Variants in NFIB observed in about 807,000 individuals in gnomAD.
NFIB encodes the protein nuclear factor I B.
Under a neutral mutation model 61.5 loss-of-function variants are expected in NFIB, and 11 were observed. The observed-to-expected ratio is 0.18, with a 90% CI of 0.11 to 0.30. The LOEUF (loss-of-function observed/expected upper bound fraction) is 0.30. Ranked by LOEUF, NFIB falls within the 10% of genes least tolerant of loss-of-function variation. The pLI is 1.00. For synonymous variants in NFIB, 260 were observed against 216.5 expected, an observed-to-expected ratio of 1.20 and a Z score of -1.76; for missense variants, 471 against 608.9, an observed-to-expected ratio of 0.77 and a Z score of 2.38.
At chr9:14,116,564 G>A (rs926249029) in intron 8 of NFIB, among the ~76,000 whole-genome samples, 7 of 152,204 alleles carry the variant, frequency 4.6e-5, no homozygotes, top group African/African-American at 1.7e-4. Context: ...AGCACGTCAT[G>A]GTATAGGTGA....
intron 10 of NFIB, among the ~76,000 whole-genome samples, chr9:14,090,328 A>AT (rs1353509950): frequency 2.0e-5 from 3 of 152,144 alleles, no homozygotes; most frequent in Admixed American, 6.6e-5. Flanking sequence ...CTGTTTTCAC[A>AT]TATTTATCTT....
chr9:14,423,216 G>A, the NFIB span, among the ~76,000 whole-genome samples: 13 of 152,138 alleles, frequency 8.5e-5, no homozygotes, highest in South Asian at 2.1e-4. Context: ...GGGGCAAAAC[G>A]TACTCATCTA....
the NFIB span, among the ~76,000 whole-genome samples, chr9:14,459,917 G>C: frequency 2.0e-5 from 3 of 151,698 alleles, no homozygotes; most frequent in South Asian, 6.3e-4. Context: ...TACACTGTTG[G>C]GGGGACTGTA....
At chr9:14,498,800 TTCCTC>T in the NFIB span, among the ~76,000 whole-genome samples, 1 of 34,542 alleles carries the variant, frequency 2.9e-5, no homozygotes, top group African/African-American at 1.5e-4. Flanking sequence ...CCTCCCTCCC[TTCCTC>T]CCTTCCTCCC....
chr9:14,193,970 C>G (rs1188410662), intron 2 of NFIB, among the ~76,000 whole-genome samples: 1 of 151,970 alleles, frequency 6.6e-6, no homozygotes, highest in African/African-American at 2.4e-5. Context: ...CATTTTGAAC[C>G]CCCACCCCCA....
In NFIB at chr9:14,371,076, T is replaced by C. The variant is rs144124808; in HGVS notation, c.108+27448A>G. 9.5e-3 allele frequency among the ~76,000 whole-genome samples: 1,447 copies of C among 152,136 alleles called. 25 individuals carry two copies. Among genetic ancestry groups the C allele is most frequent in the African/African-American group, 0.033 (1,356 of 41,500 alleles). ...TGCCACTGCACTCCAGCCTGGGTGA[T>C]AGAGCGAGACCCTGTCTCAAAAAAA... On this transcript the variant is annotated intron_variant, in intron 1 of 8. Transcript: ENST00000380934.
At chr9:14,492,290 G>A in the NFIB span, among the ~76,000 whole-genome samples, 1 of 152,006 alleles carries the variant, frequency 6.6e-6, no homozygotes, top group Non-Finnish European at 1.5e-5. Flanking sequence ...ATGAACCGGG[G>A]AGGCGGAGCT....
chr9:14,234,373 CT>C (rs34134132), intron 2 of NFIB, among the ~76,000 whole-genome samples: 50,284 of 146,924 alleles, frequency 0.34, 11,797 homozygotes, highest in East Asian at 0.71. Flanking sequence ...TATCATTACT[CT>C]TTTTTTTTTT....
At chr9:14,353,220 C>G (rs1277601377) in intron 1 of NFIB, among the ~76,000 whole-genome samples, 1 of 152,042 alleles carries the variant, frequency 6.6e-6, no homozygotes, top group Non-Finnish European at 1.5e-5. Flanking sequence ...GTCCAGGCCG[C>G]GTGAGCTTCC....
At chr9:14,423,751 T>C in the NFIB span, among the ~76,000 whole-genome samples, 1 of 152,228 alleles carries the variant, frequency 6.6e-6, no homozygotes, top group East Asian at 1.9e-4. Context: ...TTGATCCCAA[T>C]TTTCTGTCTA....
At chr9:14,421,004 T>C in the NFIB span, among the ~76,000 whole-genome samples, 3 of 151,710 alleles carry the variant, frequency 2.0e-5, no homozygotes, top group African/African-American at 7.3e-5. Context: ...GTAAATTGCA[T>C]TGGTTTCTTT....
At chr9:14,334,225 T>C (rs774796783) in intron 1 of NFIB, among the ~76,000 whole-genome samples, 3 of 152,236 alleles carry the variant, frequency 2.0e-5, no homozygotes, top group Non-Finnish European at 4.4e-5. Flanking sequence ...TTTTGGGGTA[T>C]AAGCCTATGA....
At chr9:14,162,115 G>C (rs2044267988) in intron 3 of NFIB, among the ~76,000 whole-genome samples, 1 of 151,950 alleles carries the variant, frequency 6.6e-6, no homozygotes, top group African/African-American at 2.4e-5. Context: ...TTAAAAATCA[G>C]AACATTCATA....
the NFIB span, among the ~76,000 whole-genome samples, chr9:14,497,118 C>G: frequency 1.3e-5 from 2 of 152,178 alleles, no homozygotes; most frequent in African/African-American, 4.8e-5. Flanking sequence ...ATGCCAATTT[C>G]TATAGAAAGA....
intron 1 of NFIB, among the ~76,000 whole-genome samples, chr9:14,364,441 G>A (rs1300445242): frequency 3.3e-5 from 5 of 152,180 alleles, no homozygotes; most frequent in African/African-American, 4.8e-5. Context: ...TAATACTAGC[G>A]TCTGGCTGGA....
the NFIB span, among the ~76,000 whole-genome samples, chr9:14,422,643 C>G: frequency 6.6e-6 from 1 of 152,206 alleles, no homozygotes; most frequent in African/African-American, 2.4e-5. Context: ...TCAAGACACT[C>G]CAAGGAAGGA....
At chr9:14,171,898 A>T (rs1455068938) in intron 3 of NFIB, among the ~76,000 whole-genome samples, 1 of 152,230 alleles carries the variant, frequency 6.6e-6, no homozygotes, top group Non-Finnish European at 1.5e-5. Flanking sequence ...AAAAATCGCA[A>T]GGTACTGAAA....
the NFIB span, among the ~76,000 whole-genome samples, chr9:14,443,487 C>T: frequency 3.3e-5 from 5 of 152,144 alleles, no homozygotes; most frequent in African/African-American, 1.2e-4. Flanking sequence ...CAGGTAAAGG[C>T]ACTGCCATTC....
the NFIB span, among the ~76,000 whole-genome samples, chr9:14,442,597 C>A: frequency 6.6e-6 from 1 of 151,978 alleles, no homozygotes; most frequent in South Asian, 2.1e-4. Context: ...CCCCAAGCTG[C>A]AGGTTTGCTG....
Sources: allele counts gnomAD v4.1 joint callset (sites outside exome capture counted in the v4.1 genomes callset), GRCh38; gene constraint gnomAD v4.1.1; transcripts MANE v1.5; gene names NCBI Gene and HGNC (gene_info 2026-07-23, HGNC 2026-07-21).